The following ACOX2 variants were observed in gnomAD, a reference collection of about 807,000 sequenced individuals.
ACOX2 encodes peroxisomal acyl-coenzyme A oxidase 2.
ACOX2 carries 59 observed loss-of-function variants against 77.5 expected under a neutral mutation model. That is an observed-to-expected ratio of 0.76 (90% CI 0.62 to 0.95). ACOX2 has a LOEUF of 0.95. Ranked by LOEUF, ACOX2 falls within the 40% of genes least tolerant of loss-of-function variation. The pLI is 0.00. For missense variants in ACOX2, 837 were observed against 880.4 expected, an observed-to-expected ratio of 0.95 and a Z score of 0.62; for synonymous variants, 317 against 340.1, an observed-to-expected ratio of 0.93 and a Z score of 0.75.
Position 58,526,349 on chromosome 3 carries a change from A to G in ACOX2, c.1346+117T>C. 1 of 1,228,040 alleles carries G rather than the reference A, an allele frequency of 8.1e-7. No homozygotes were observed. Among genetic ancestry groups the G allele is most frequent in the Non-Finnish European group, 1.1e-6 (1 of 895,848 alleles). 76.1% of individuals were successfully genotyped at this position (1,228,040 alleles called of 1,614,324 possible). ...ATACTGGGGAATTGGACAGCTCCCAAATAGCACTTCGCAAAGCCTGCTCTT... is the reference window on the plus strand; with the variant it reads ...ATACTGGGGAATTGGACAGCTCCCAGATAGCACTTCGCAAAGCCTGCTCTT... On this transcript the variant is annotated intron_variant, in intron 10 of 14. Coordinates refer to ENST00000302819, the MANE Select transcript of ACOX2 (RefSeq NM_003500.4). This position sits in a 1 kb window ranked among gnomAD's most constrained non-coding sequence, Gnocchi z 4.3.
chr3:58,524,662 C>T lies in ACOX2; in HGVS notation c.1347-57G>A. On this transcript the variant is annotated intron_variant, in intron 10 of 14. Transcript: ENST00000302819. This position sits in a 1 kb window ranked among gnomAD's most constrained non-coding sequence, Gnocchi z 5.5. Reference sequence around the variant, plus strand: ...GCAGAGACTCTGTGAGACAGCCCAGCACCCCTCACTCCCAGAGACAGGCAA... The same window carrying T: ...GCAGAGACTCTGTGAGACAGCCCAGTACCCCTCACTCCCAGAGACAGGCAA... 2.6e-6 allele frequency: 4 copies of T among 1,544,578 alleles called. No homozygotes were observed. Among genetic ancestry groups the T allele is most frequent in the Non-Finnish European group, 2.7e-6 (3 of 1,131,174 alleles).
rs995406221 is a variant in ACOX2 at position 58,526,749 on chromosome 3, C to T, written c.1156-93G>A. ...CCACTTACTGAGCATCTACTCATGC[C>T]CAGCTCAGCTCTGAGGTAAGAAGTG... On this transcript the variant is annotated intron_variant, in intron 9 of 14. Coordinates refer to ENST00000302819, the MANE Select transcript of ACOX2 (RefSeq NM_003500.4). This position sits in a 1 kb window ranked among gnomAD's most constrained non-coding sequence, Gnocchi z 4.3. 1.0e-5 allele frequency: 14 copies of T among 1,352,284 alleles called. No homozygotes were observed. The highest frequency in any genetic ancestry group is 2.4e-5 in the East Asian group (1 of 42,116). 83.8% of individuals were successfully genotyped at this position (1,352,284 alleles called of 1,614,324 possible).
At chr3:58,532,588 A>G (rs2063448929) in intron 5 of ACOX2, among the ~76,000 whole-genome samples, 1 of 151,900 alleles carries the variant, frequency 6.6e-6, no homozygotes, top group South Asian at 2.1e-4. Flanking sequence ...GTTTAATGAT[A>G]TTGGTCAGGC....
rs745670547 is a variant in ACOX2, at chr3:58,528,793, C to A, written c.1155+1G>T. 1 of 1,606,484 alleles carries A rather than the reference C, an allele frequency of 6.2e-7. No individual in the cohort carries two copies. The highest frequency in any genetic ancestry group is 8.5e-7 in the Non-Finnish European group (1 of 1,176,296). ...CCTGCCCCTCCGCAGACAGCAGGTA[C>A]CTCAGGCAGGAAGCTGAAGTCTTGG... On this transcript the variant is annotated splice_donor_variant, in intron 9 of 14. Coordinates refer to ENST00000302819, the MANE Select transcript of ACOX2 (RefSeq NM_003500.4). LOFTEE classifies it high-confidence loss of function. The surrounding 1 kb of genome is among the most constrained non-coding windows in gnomAD (Gnocchi z 5.6).
rs1182979757 is a variant in ACOX2, at chr3:58,505,231, T to G, written c.2039A>C (p.Lys680Thr). The change falls in exon 15 of 15, where the codon AAG becomes ACG. Residue 680 changes from lysine (K) to threonine (T), a missense_variant. Physicochemically the swap from Lys to Thr is moderately conservative, Grantham distance 78. Transcript: ENST00000302819. This position sits in a 1 kb window ranked among gnomAD's most constrained non-coding sequence, Gnocchi z 4.4. ...TGAATACTGTTGGTTATTTCATAGC[T>G]TGGATCTCCAACTTTGTAAAAGTGG... Reference protein sequence around the residue: ...IRPLLQSWRSKL With the variant: ...IRPLLQSWRSTL 1 of 1,613,202 alleles carries G rather than the reference T, an allele frequency of 6.2e-7. No individual in the cohort carries two copies. The highest frequency in any genetic ancestry group is 2.2e-5 in the East Asian group (1 of 44,802).
At chr3:58,506,092 G>C (rs1402197037) in intron 14 of ACOX2, among the ~76,000 whole-genome samples, 8 of 152,132 alleles carry the variant, frequency 5.3e-5, no homozygotes, top group Admixed American at 5.2e-4. Flanking sequence ...CACTCAGTCT[G>C]GGTTTATGAC....
chr3:58,522,463 G>C lies in ACOX2; in HGVS notation c.1632+33C>G. 6.2e-7 allele frequency: 1 copy of C among 1,601,522 alleles called. No individual in the cohort carries two copies. On this transcript the variant is annotated intron_variant, in intron 12 of 14. Coordinates refer to ENST00000302819, the MANE Select transcript of ACOX2 (RefSeq NM_003500.4). This position sits in a 1 kb window ranked among gnomAD's most constrained non-coding sequence, Gnocchi z 4.3. ...GGTAGCCTGCCTGGGAAGCAAAATG[G>C]ATCCCTTTCAGCTTCAGCTGGCAGG...
rs1050727552 is a variant in ACOX2 at position 58,526,683 on chromosome 3, C to T, written c.1156-27G>A. 11 of 1,606,838 alleles carry T rather than the reference C, an allele frequency of 6.8e-6. No individual in the cohort carries two copies. Among genetic ancestry groups the T allele is most frequent in the Middle Eastern group, 1.9e-4 (1 of 5,272 alleles). On this transcript the variant is annotated intron_variant, in intron 9 of 14. Transcript: ENST00000302819. This position sits in a 1 kb window ranked among gnomAD's most constrained non-coding sequence, Gnocchi z 4.3. ...TGTGAGAACATGGAGGGGGGTTGGG[C>T]GGTGTTAGGGGGCCTCCACCATAGG...
In ACOX2 at chr3:58,519,193, G is replaced by T. The variant is rs1433809413; in HGVS notation, c.1633-1770C>A. ...GAGGTCAGGAGTTCGAGACCAGCCT[G>T]GCCAACATGGCAAAACCCTGTCTCT... On this transcript the variant is annotated intron_variant, in intron 12 of 14. Coordinates refer to ENST00000302819, the MANE Select transcript of ACOX2 (RefSeq NM_003500.4). The surrounding 1 kb of genome is among the most constrained non-coding windows in gnomAD (Gnocchi z 5.0). Among the ~76,000 whole-genome samples, 1 of 152,010 alleles carries T rather than the reference G, an allele frequency of 6.6e-6. No homozygotes were observed. Among genetic ancestry groups the T allele is most frequent in the Non-Finnish European group, 1.5e-5 (1 of 68,008 alleles).
At chr3:58,508,799 A>G (rs1054912484) in intron 14 of ACOX2, 94 bp downstream of exon 14, 20 of 1,504,232 alleles carry the variant, frequency 1.3e-5, no homozygotes, top group Non-Finnish European at 1.6e-5. Context: ...TTGCCAACCT[A>G]ACGGGAATCA....
chr3:58,516,565 C>T (rs113351358), intron 13 of ACOX2, among the ~76,000 whole-genome samples: 9,146 of 152,306 alleles, frequency 0.06, 351 homozygotes, highest in Non-Finnish European at 0.083. Context: ...TGCCTGGGCA[C>T]GTTGGTTCAC....
At position 58,521,590 on chromosome 3, in the gene ACOX2, C is replaced by G. The variant is rs1407046810; in HGVS notation, c.1632+906G>C. 6.6e-6 allele frequency among the ~76,000 whole-genome samples: 1 copy of G among 152,236 alleles called. No homozygotes were observed. Among genetic ancestry groups the G allele is most frequent in the Non-Finnish European group, 1.5e-5 (1 of 68,040 alleles). ...TTCAGACTTGCTCCTTTCTAACTTG[C>G]TCCCTTTCATTCCATCCTGGGCAAC... is the stretch of plus-strand genomic sequence containing the variant. On this transcript the variant is annotated intron_variant, in intron 12 of 14. Transcript: ENST00000302819. The surrounding 1 kb of genome is among the most constrained non-coding windows in gnomAD (Gnocchi z 4.8).
intron 7 of ACOX2, among the ~76,000 whole-genome samples, 163 bp from the exon 8 acceptor site, chr3:58,530,801 G>C (rs2063433035): frequency 6.6e-6 from 1 of 152,194 alleles, no homozygotes; most frequent in South Asian, 2.1e-4. Flanking sequence ...CAAGTGCCCT[G>C]CTTCACAGTG....
At chr3:58,536,428 T>G (rs1263750495) in intron 1 of ACOX2, among the ~76,000 whole-genome samples, 2 of 152,186 alleles carry the variant, frequency 1.3e-5, no homozygotes, top group Admixed American at 1.3e-4. Flanking sequence ...ATGTGGGCCT[T>G]GGAAAGGGAG....
Position 58,522,583 on chromosome 3 carries a change from C to T in ACOX2, c.1545G>A (p.Val515=). 3 of 1,614,170 alleles carry T rather than the reference C, an allele frequency of 1.9e-6. No homozygotes were observed. The highest frequency in any genetic ancestry group is 2.5e-6 in the Non-Finnish European group (3 of 1,180,028). ...ATTGCGTCAGGGTCTGTAAATGCTG[C>T]ACTGAGTCCTTTATGAGCCTGAAAG... ...HVAVRLIKDS[V]QHLQTLTQSG... Residue 515 remains valine (V), a synonymous_variant, in exon 12 of 15, where the codon GTG becomes GTA. Transcript: ENST00000302819. The surrounding 1 kb of genome is among the most constrained non-coding windows in gnomAD (Gnocchi z 4.3).
At position 58,525,045 on chromosome 3, in the gene ACOX2, G is replaced by A. The variant is rs1018439219; in HGVS notation, c.1347-440C>T. On this transcript the variant is annotated intron_variant, in intron 10 of 14. Transcript: ENST00000302819. The surrounding 1 kb of genome is among the most constrained non-coding windows in gnomAD (Gnocchi z 5.0). ...ACTGCTGCTTTAGGATAATCCAGTG[G>A]TTACAGGTTCTGGGCTTAGACAGCC... Among the ~76,000 whole-genome samples the A allele has an allele frequency of 6.6e-6, 1 of 152,188 alleles. No individual in the cohort carries two copies. The highest frequency in any genetic ancestry group is 2.4e-5 in the African/African-American group (1 of 41,456).
chr3:58,524,560 G>A lies in ACOX2; in HGVS notation c.1392C>T (p.Ser464=). 1 of 1,614,204 alleles carries A rather than the reference G, an allele frequency of 6.2e-7. No individual in the cohort carries two copies. Among genetic ancestry groups the A allele is most frequent in the Non-Finnish European group, 8.5e-7 (1 of 1,180,034 alleles). The change falls in exon 11 of 15, where the codon TCC becomes TCT. Residue 464 remains serine (S), a synonymous_variant. Transcript: ENST00000302819. The surrounding 1 kb of genome is among the most constrained non-coding windows in gnomAD (Gnocchi z 5.5). ...SYLQTQMSPG[S]TPQRSLSPSV... ...ATGGAGAGAGAGATCTCTGTGGCGT[G>A]GAGCCAGGGGACATCTGAGTCTGCA...
chr3:58,517,749 G>C (rs1370599608), intron 12 of ACOX2, among the ~76,000 whole-genome samples: 1 of 152,108 alleles, frequency 6.6e-6, no homozygotes, highest in East Asian at 1.9e-4. Flanking sequence ...GCCTGGGGAA[G>C]GTGGAGGACA....
Position 58,532,389 on chromosome 3 carries a change from T to C in ACOX2, c.584-577A>G, listed in dbSNP as rs572140231. ...TTTTTTTTTCTTTTTCTTCTTTCTTTCTTTCTTTTGTTTTTGAGACAGAGT... is the reference window on the plus strand; with the variant it reads ...TTTTTTTTTCTTTTTCTTCTTTCTTCCTTTCTTTTGTTTTTGAGACAGAGT... On this transcript the variant is annotated intron_variant, in intron 5 of 14. Transcript: ENST00000302819. 5.3e-5 allele frequency among the ~76,000 whole-genome samples: 8 copies of C among 152,234 alleles called. No homozygotes were observed. The East Asian group carries it at 1.2e-3, about 22-fold the overall frequency.
Sources: allele counts gnomAD v4.1 joint callset (sites outside exome capture counted in the v4.1 genomes callset), GRCh38; gene constraint gnomAD v4.1.1; non-coding constraint Gnocchi (gnomAD v3.1); transcripts MANE v1.5; gene names NCBI Gene and HGNC (gene_info 2026-07-23, HGNC 2026-07-21).